The following STK32B variants were observed in gnomAD, a reference collection of about 807,000 sequenced individuals.
The protein encoded by STK32B is serine/threonine-protein kinase 32B.
STK32B carries 43 observed loss-of-function variants against 52.6 expected under a neutral mutation model. The ratio of observed to expected loss-of-function variants is 0.82; its 90% CI spans 0.64 to 1.05. The LOEUF (loss-of-function observed/expected upper bound fraction) is 1.05, where lower values mean the gene tolerates loss of function less well. Among genes scored for constraint, STK32B ranks in the 50% least tolerant of loss-of-function variants. The pLI is 0.00. For missense variants in STK32B, 621 were observed against 534.6 expected (o/e 1.16, Z -1.59); for synonymous variants, 238 against 204.3 (o/e 1.17, Z -1.41).
chr4:5,249,028 G>C (rs1488698213), intron 3 of STK32B, among the ~76,000 whole-genome samples: 1 of 152,070 alleles, frequency 6.6e-6, no homozygotes, highest in Admixed American at 6.5e-5. Flanking sequence ...GTATACATAT[G>C]TAACAAACCT....
chr4:5,307,548 C>T (rs79567154), intron 3 of STK32B, among the ~76,000 whole-genome samples: 9,286 of 137,248 alleles, frequency 0.068, 520 homozygotes, highest in African/African-American at 0.16. Context: ...TATGCTCTAT[C>T]TTTTTTTTTT....
Position 5,070,067 on chromosome 4 carries a change from G to A in STK32B, c.52+18152G>A, listed in dbSNP as rs1252073437. ...CAGGGGGCTGCTGTTTATTCAGCCAGAAGAAGGTGGCTCTGGCTTCCTCCC... is the reference window on the plus strand; with the variant it reads ...CAGGGGGCTGCTGTTTATTCAGCCAAAAGAAGGTGGCTCTGGCTTCCTCCC... On this transcript the variant is annotated intron_variant, in intron 1 of 11. Transcript: ENST00000282908. 2.0e-5 allele frequency among the ~76,000 whole-genome samples: 3 copies of A among 152,338 alleles called. No individual in the cohort carries two copies. The East Asian group carries it at 5.8e-4, about 29-fold the overall frequency.
the STK32B span, among the ~76,000 whole-genome samples, chr4:5,024,689 C>G: frequency 1.3e-5 from 2 of 152,230 alleles, no homozygotes; most frequent in Non-Finnish European, 2.9e-5. Flanking sequence ...CACCTGCCAG[C>G]ACCACCCTCT....
intron 3 of STK32B, among the ~76,000 whole-genome samples, chr4:5,245,897 G>T (rs1235080076): frequency 6.6e-6 from 1 of 152,116 alleles, no homozygotes; most frequent in Non-Finnish European, 1.5e-5. Context: ...GTTGAATATT[G>T]GCCCCCACTC....
At chr4:5,343,323 C>A (rs2108973561) in intron 4 of STK32B, among the ~76,000 whole-genome samples, 1 of 152,174 alleles carries the variant, frequency 6.6e-6, no homozygotes, top group South Asian at 2.1e-4. Context: ...TGTATATGTG[C>A]CACATTTTCT....
chr4:5,232,424 A>C (rs560165802), intron 3 of STK32B, among the ~76,000 whole-genome samples: 1 of 152,376 alleles, frequency 6.6e-6, no homozygotes, highest in South Asian at 2.1e-4. Context: ...CTGCTAATGC[A>C]ACTGTGATTT....
At chr4:5,323,261 C>T (rs1731640159) in intron 3 of STK32B, among the ~76,000 whole-genome samples, 1 of 152,142 alleles carries the variant, frequency 6.6e-6, no homozygotes, top group South Asian at 2.1e-4. Flanking sequence ...ATGGAATCAC[C>T]TCCGAGGCAC....
intron 3 of STK32B, among the ~76,000 whole-genome samples, chr4:5,296,830 C>T (rs1008540727): frequency 3.9e-5 from 6 of 152,132 alleles, no homozygotes; most frequent in East Asian, 1.9e-4. Flanking sequence ...TTATTTTGCA[C>T]ATTAGTTGAT....
In STK32B at chr4:5,490,950, C is replaced by A. The variant is rs577727816; in HGVS notation, c.1107-7995C>A. Among the ~76,000 whole-genome samples, 403 of 152,302 alleles carry A rather than the reference C, an allele frequency of 2.6e-3. 1 individual carries two copies. Among genetic ancestry groups the A allele is most frequent in the African/African-American group, 8.8e-3 (364 of 41,570 alleles). On this transcript the variant is annotated intron_variant, in intron 11 of 11. Transcript: ENST00000282908. ...AGTATTCCATGGTGTATATGTGACACATTTTCTTAATCCAGTCTATCATTG... is the reference window on the plus strand; with the variant it reads ...AGTATTCCATGGTGTATATGTGACAAATTTTCTTAATCCAGTCTATCATTG...
chr4:5,123,294 A>G (rs913367606), intron 1 of STK32B, among the ~76,000 whole-genome samples: 9 of 152,040 alleles, frequency 5.9e-5, no homozygotes, highest in Non-Finnish European at 1.3e-4. Context: ...TGGATCCTAC[A>G]TGCCTCCCGG....
chr4:5,308,505 A>G (rs1730075083), intron 3 of STK32B, among the ~76,000 whole-genome samples: 1 of 152,162 alleles, frequency 6.6e-6, no homozygotes. Flanking sequence ...GAGTTATTAT[A>G]AATATTATAG....
At chr4:5,092,412 G>A (rs2108784693) in intron 1 of STK32B, among the ~76,000 whole-genome samples, 1 of 152,178 alleles carries the variant, frequency 6.6e-6, no homozygotes, top group East Asian at 1.9e-4. Flanking sequence ...GGCACCTGTA[G>A]TCCCAGCTAC....
chr4:5,401,319 A>G (rs928650162), intron 5 of STK32B, among the ~76,000 whole-genome samples: 1 of 152,164 alleles, frequency 6.6e-6, no homozygotes, highest in Non-Finnish European at 1.5e-5. Context: ...ATAACTGTGT[A>G]TTGCTATTTC....
intron 3 of STK32B, among the ~76,000 whole-genome samples, chr4:5,259,844 C>A (rs1726581866): frequency 1.3e-5 from 2 of 152,072 alleles, no homozygotes; most frequent in Non-Finnish European, 2.9e-5. Context: ...GGTCTCAGAA[C>A]ACAGAGTTTG....
chr4:5,087,314 A>T (rs942250903), intron 1 of STK32B, among the ~76,000 whole-genome samples: 4 of 151,974 alleles, frequency 2.6e-5, no homozygotes, highest in African/African-American at 9.7e-5. Context: ...ATAGAGAGAA[A>T]CCAAAAAGAA....
At chr4:5,319,803 T>A (rs1385364711) in intron 3 of STK32B, among the ~76,000 whole-genome samples, 1 of 152,152 alleles carries the variant, frequency 6.6e-6, no homozygotes, top group Non-Finnish European at 1.5e-5. Context: ...GACTCTGGGC[T>A]GAAACTCTGA....
intron 1 of STK32B, among the ~76,000 whole-genome samples, chr4:5,124,920 T>C (rs1715271014): frequency 6.6e-6 from 1 of 152,192 alleles, no homozygotes; most frequent in African/African-American, 2.4e-5. Flanking sequence ...GTGAAGAGGA[T>C]ATTATGCAAG....
intron 6 of STK32B, among the ~76,000 whole-genome samples, chr4:5,424,564 C>T (rs1712924197): frequency 6.6e-6 from 1 of 152,206 alleles, no homozygotes; most frequent in South Asian, 2.1e-4. Flanking sequence ...TGCTGTGGGT[C>T]TCCACCCAGC....
chr4:5,166,990 T>G (rs572856852), intron 2 of STK32B, among the ~76,000 whole-genome samples: 1 of 152,192 alleles, frequency 6.6e-6, no homozygotes, highest in Non-Finnish European at 1.5e-5. Context: ...CCTTGCTAAC[T>G]GTCCATGCCA....
Sources: allele counts gnomAD v4.1 joint callset (sites outside exome capture counted in the v4.1 genomes callset), GRCh38; gene constraint gnomAD v4.1.1; transcripts MANE v1.5; gene names NCBI Gene and HGNC (gene_info 2026-07-23, HGNC 2026-07-21).